The following TENM2 variants were observed in gnomAD, a reference collection of about 807,000 sequenced individuals.
TENM2 encodes the protein teneurin-2.
Under a neutral mutation model 245.2 loss-of-function variants are expected in TENM2, and 52 were observed. The ratio of observed to expected loss-of-function variants is 0.21; its 90% CI spans 0.17 to 0.27. The LOEUF (loss-of-function observed/expected upper bound fraction) is 0.27. Ranked by LOEUF, TENM2 falls within the 10% of genes least tolerant of loss-of-function variation. The pLI is 1.00. For missense variants in TENM2, 3,046 were observed against 3,666.8 expected, an observed-to-expected ratio of 0.83 and a Z score of 4.37; for synonymous variants, 1,363 against 1,438.9, an observed-to-expected ratio of 0.95 and a Z score of 1.19.
rs561609926 is a variant in TENM2, at chr5:167,554,862, GCTC to G, written c.502+179412_502+179414del. Among the ~76,000 whole-genome samples the G allele has an allele frequency of 5.1e-4, 77 of 151,458 alleles. No individual in the cohort carries two copies. The East Asian group carries it at 0.01, about 21-fold the overall frequency. On this transcript the variant is annotated intron_variant, in intron 2 of 28. Transcript: ENST00000518659. ...TTCAAAGGAGCTTCTCTCTCTCTCT[GCTC>G]CTCCTCCTCCTCCTCCTCCTCCAAC...
chr5:167,305,155 A>G (rs1322706768), intron 1 of TENM2, among the ~76,000 whole-genome samples: 4 of 152,130 alleles, frequency 2.6e-5, no homozygotes, highest in Non-Finnish European at 5.9e-5. Context: ...GACACTGGAT[A>G]TTGGAAGGCA....
the TENM2 span, among the ~76,000 whole-genome samples, chr5:167,015,455 A>G: frequency 6.6e-6 from 1 of 152,234 alleles, no homozygotes; most frequent in African/African-American, 2.4e-5. Flanking sequence ...TTCTCCACAC[A>G]GCATATGGAA....
chr5:167,587,060 G>T (rs1369931216), intron 2 of TENM2, among the ~76,000 whole-genome samples: 1 of 152,118 alleles, frequency 6.6e-6, no homozygotes, highest in African/African-American at 2.4e-5. Flanking sequence ...TCCCATTAGA[G>T]AGTGTGGGAT....
intron 7 of TENM2, among the ~76,000 whole-genome samples, chr5:168,077,851 A>G (rs1487480899): frequency 6.6e-6 from 1 of 152,132 alleles, no homozygotes; most frequent in Non-Finnish European, 1.5e-5. Context: ...GCTTGGTTGC[A>G]AGTCTTTGCT....
At chr5:167,315,777 G>A (rs765518510) in intron 1 of TENM2, among the ~76,000 whole-genome samples, 21 of 152,094 alleles carry the variant, frequency 1.4e-4, no homozygotes, top group African/African-American at 4.3e-4. Context: ...TGAAGTGGAC[G>A]GGCTGTCTCT....
At chr5:166,999,758 G>C in the TENM2 span, among the ~76,000 whole-genome samples, 1 of 152,142 alleles carries the variant, frequency 6.6e-6, no homozygotes. Context: ...TTGATTTTGA[G>C]AGGTCTTGAG....
chr5:167,385,845 A>G (rs1761396956), intron 2 of TENM2, among the ~76,000 whole-genome samples: 1 of 135,070 alleles, frequency 7.4e-6, no homozygotes, highest in Non-Finnish European at 1.6e-5. Flanking sequence ...GTAGTATTCC[A>G]TTATATATAT....
chr5:167,906,786 T>C (rs1310838435), intron 3 of TENM2, among the ~76,000 whole-genome samples: 1 of 152,150 alleles, frequency 6.6e-6, no homozygotes, highest in East Asian at 1.9e-4. Context: ...TCTCTGCTAA[T>C]TGGCTACGTT....
At chr5:167,298,947 C>T (rs552483999) in intron 1 of TENM2, among the ~76,000 whole-genome samples, 3 of 152,064 alleles carry the variant, frequency 2.0e-5, no homozygotes, top group African/African-American at 4.8e-5. Flanking sequence ...GGGCACAGTC[C>T]GAGTTGGTCT....
chr5:168,199,822 G>A, intron 16 of TENM2, 42 bp from the exon 19 acceptor site: 4 of 1,593,456 alleles, frequency 2.5e-6, no homozygotes, highest in Non-Finnish European at 3.4e-6. Context: ...TACCTGCACA[G>A]GTGTGTTTTA....
chr5:167,475,076 C>T (rs1767282302), intron 2 of TENM2, among the ~76,000 whole-genome samples: 2 of 152,226 alleles, frequency 1.3e-5, no homozygotes, highest in African/African-American at 4.8e-5. Flanking sequence ...ATTGAAAACA[C>T]AAATATATGC....
chr5:168,132,922 T>G (rs1198078111), intron 12 of TENM2, among the ~76,000 whole-genome samples: 2 of 152,224 alleles, frequency 1.3e-5, no homozygotes, highest in Non-Finnish European at 2.9e-5. Context: ...CTTAGATATT[T>G]GTGATGGACA....
intron 2 of TENM2, among the ~76,000 whole-genome samples, chr5:167,596,002 A>T (rs1416606265): frequency 6.6e-6 from 1 of 152,166 alleles, no homozygotes; most frequent in Admixed American, 6.5e-5. Context: ...GATATTGTTA[A>T]TGGAAGCAAA....
chr5:167,085,305 C>T, the TENM2 span, among the ~76,000 whole-genome samples: 3 of 152,084 alleles, frequency 2.0e-5, no homozygotes, highest in Non-Finnish European at 2.9e-5. Context: ...TACAGTCCTT[C>T]GTTTGATGTT....
chr5:168,089,421 C>T (rs1792734187), intron 7 of TENM2, among the ~76,000 whole-genome samples: 2 of 152,180 alleles, frequency 1.3e-5, no homozygotes, highest in South Asian at 4.1e-4. Flanking sequence ...TTCAATAGCT[C>T]CCACTTGCCT....
At position 167,587,866 on chromosome 5, in the gene TENM2, G is replaced by A. The variant is rs1418593814; in HGVS notation, c.502+212393G>A. 2.0e-5 allele frequency among the ~76,000 whole-genome samples: 3 copies of A among 152,092 alleles called. No homozygotes were observed. In the East Asian group the frequency reaches 5.8e-4, roughly 29 times the overall value. ...TTTTATATGTCAGAAAGCATTACTG[G>A]GACTGGGAAATTCCTCTTTTTCCCC... On this transcript the variant is annotated intron_variant, in intron 2 of 28. Transcript: ENST00000518659.
intron 3 of TENM2, among the ~76,000 whole-genome samples, chr5:167,890,548 T>C (rs958692261): frequency 2.6e-5 from 4 of 152,140 alleles, no homozygotes; most frequent in African/African-American, 7.2e-5. Context: ...TAGGTGACAA[T>C]GTTGAAAAAC....
At chr5:167,319,066 T>C (rs775059741) in intron 1 of TENM2, among the ~76,000 whole-genome samples, 1 of 152,210 alleles carries the variant, frequency 6.6e-6, no homozygotes, top group Non-Finnish European at 1.5e-5. Flanking sequence ...TCAATTGATA[T>C]ACAGTTGGCC....
At chr5:167,412,454 A>C (rs1475490176) in intron 2 of TENM2, among the ~76,000 whole-genome samples, 4 of 152,080 alleles carry the variant, frequency 2.6e-5, no homozygotes, top group Non-Finnish European at 5.9e-5. Context: ...TGAGGTCAGG[A>C]GTTTGAGACC....
Sources: gnomAD v4.1 joint callset for allele counts (sites outside exome capture counted in the v4.1 genomes callset) on GRCh38, gnomAD v4.1.1 for gene constraint, MANE v1.5 for transcripts, NCBI Gene and HGNC (gene_info 2026-07-23, HGNC 2026-07-21) for gene names.